The following RALYL variants were observed in gnomAD, a reference collection of about 807,000 sequenced individuals.
The protein encoded by RALYL is RNA-binding Raly-like protein.
A neutral mutation model predicts 35.1 loss-of-function variants in RALYL; 29 were observed. The ratio of observed to expected loss-of-function variants is 0.83; its 90% CI spans 0.61 to 1.13. The LOEUF is 1.13. Among genes scored for constraint, RALYL ranks in the 50% most tolerant of loss-of-function variants. RALYL has a pLI of 0.00. For synonymous variants in RALYL, 120 were observed against 127.6 expected, an observed-to-expected ratio of 0.94 and a Z score of 0.40; for missense variants, 359 against 360.4, an observed-to-expected ratio of 1.00 and a Z score of 0.03.
chr8:84,389,318 C>A (rs1289445757), intron 1 of RALYL, among the ~76,000 whole-genome samples: 2 of 152,026 alleles, frequency 1.3e-5, no homozygotes, highest in Non-Finnish European at 2.9e-5. Flanking sequence ...ATTGACTTGG[C>A]AATGCGGGCT....
At chr8:84,851,076 C>T (rs999364446) in intron 5 of RALYL, among the ~76,000 whole-genome samples, 1 of 152,130 alleles carries the variant, frequency 6.6e-6, no homozygotes, top group Non-Finnish European at 1.5e-5. Flanking sequence ...TATTATCACT[C>T]TTCGATTCTT....
At chr8:84,303,059 A>C (rs1442853607) in intron 1 of RALYL, among the ~76,000 whole-genome samples, 2 of 152,222 alleles carry the variant, frequency 1.3e-5, no homozygotes, top group Admixed American at 6.5e-5. Context: ...AGGTTAGGAC[A>C]CATTCAGGGT....
At chr8:84,610,613 A>G (rs946308317) in intron 2 of RALYL, among the ~76,000 whole-genome samples, 4 of 152,120 alleles carry the variant, frequency 2.6e-5, no homozygotes, top group Non-Finnish European at 4.4e-5. Flanking sequence ...TACAGCCCAC[A>G]TTCAAAAAGA....
chr8:84,835,466 G>A (rs535230612), intron 4 of RALYL, among the ~76,000 whole-genome samples: 37 of 137,646 alleles, frequency 2.7e-4, no homozygotes, highest in Non-Finnish European at 4.6e-4. Context: ...TCAGCAGTTC[G>A]AGACCAGCCT....
chr8:84,492,554 T>A (rs187153730), intron 1 of RALYL, among the ~76,000 whole-genome samples: 1 of 152,100 alleles, frequency 6.6e-6, no homozygotes, highest in African/African-American at 2.4e-5. Flanking sequence ...ATGTGTGTAG[T>A]GCACTCATCA....
intron 1 of RALYL, among the ~76,000 whole-genome samples, chr8:84,375,663 A>G (rs1185933048): frequency 6.6e-6 from 1 of 151,796 alleles, no homozygotes; most frequent in Non-Finnish European, 1.5e-5. Flanking sequence ...TTTTTTGAGG[A>G]CTGTCCTTTC....
chr8:84,399,816 G>GTC (rs767644745), intron 1 of RALYL, among the ~76,000 whole-genome samples: 5 of 152,206 alleles, frequency 3.3e-5, no homozygotes, highest in Non-Finnish European at 7.3e-5. Flanking sequence ...TCTCTTCTAA[G>GTC]TCTGAAGGAG....
chr8:84,402,446 A>G (rs1014075929), intron 1 of RALYL, among the ~76,000 whole-genome samples: 5 of 152,174 alleles, frequency 3.3e-5, no homozygotes, highest in Non-Finnish European at 7.4e-5. Flanking sequence ...TGTTCTAGAA[A>G]TAAAGGCAGC....
intron 1 of RALYL, among the ~76,000 whole-genome samples, chr8:84,450,877 T>C (rs942213888): frequency 6.6e-5 from 10 of 152,022 alleles, no homozygotes; most frequent in African/African-American, 2.2e-4. Context: ...CAAAAAGACA[T>C]TAAAAAATTG....
intron 2 of RALYL, among the ~76,000 whole-genome samples, chr8:84,596,816 C>T (rs983910334): frequency 1.3e-5 from 2 of 151,938 alleles, no homozygotes; most frequent in Non-Finnish European, 2.9e-5. Flanking sequence ...CATTGATTTT[C>T]TTTGATTTGC....
At chr8:84,493,835 G>A (rs192624900) in intron 1 of RALYL, among the ~76,000 whole-genome samples, 2 of 151,824 alleles carry the variant, frequency 1.3e-5, no homozygotes, top group African/African-American at 4.8e-5. Context: ...TGCAAAAATT[G>A]TCTCCTATTC....
chr8:84,907,309 G>T lies in RALYL; in HGVS notation c.859-13585G>T, dbSNP rs879925286. Among the ~76,000 whole-genome samples, 317 of 36,560 alleles carry T rather than the reference G, an allele frequency of 8.7e-3. 1 individual carries two copies. The highest frequency in any genetic ancestry group is 0.022 in the Admixed American group (45 of 2,012). The allele number at this position is 36,560 out of a possible 152,430, so 24.0% of individuals were successfully genotyped here. A position where few individuals can be genotyped will look rare whatever the true frequency, so the allele number is the denominator to read the frequency against. On this transcript the variant is annotated intron_variant, in intron 8 of 8. Transcript: ENST00000521268. ...GAAATCTGAGAAAATAAGATATAGC[G>T]TCACACACACACACACACACACACA... is the stretch of plus-strand genomic sequence containing the variant.
At chr8:84,862,726 G>A (rs1838375064) in intron 6 of RALYL, among the ~76,000 whole-genome samples, 1 of 152,156 alleles carries the variant, frequency 6.6e-6, no homozygotes, top group Admixed American at 6.5e-5. Context: ...TCTTGGCTTA[G>A]CTTGTGATAT....
At chr8:84,646,632 G>T (rs901845580) in intron 2 of RALYL, among the ~76,000 whole-genome samples, 1 of 152,002 alleles carries the variant, frequency 6.6e-6, no homozygotes, top group Non-Finnish European at 1.5e-5. Flanking sequence ...ACTTCTTTCA[G>T]TTCAGCCCAA....
At chr8:84,566,695 C>T (rs1201368002) in intron 2 of RALYL, among the ~76,000 whole-genome samples, 2 of 151,486 alleles carry the variant, frequency 1.3e-5, no homozygotes, top group African/African-American at 4.8e-5. Context: ...CAGACACTAA[C>T]CTTGAGAGTA....
chr8:84,803,813 T>C (rs1375839754), intron 3 of RALYL, among the ~76,000 whole-genome samples: 1 of 152,246 alleles, frequency 6.6e-6, no homozygotes, highest in Non-Finnish European at 1.5e-5. Flanking sequence ...TTGTTTGGAC[T>C]CACATTTATA....
chr8:84,652,396 C>T (rs1588771053), intron 2 of RALYL, among the ~76,000 whole-genome samples: 1 of 152,072 alleles, frequency 6.6e-6, no homozygotes, highest in East Asian at 1.9e-4. Flanking sequence ...GTTCAGAACC[C>T]CTGATAGTCT....
At chr8:84,307,790 A>G (rs1021298296) in intron 1 of RALYL, among the ~76,000 whole-genome samples, 1 of 152,180 alleles carries the variant, frequency 6.6e-6, no homozygotes, top group African/African-American at 2.4e-5. Flanking sequence ...ACACAGGACT[A>G]CATCTTTTAT....
chr8:84,478,942 C>T (rs537665538), intron 1 of RALYL, among the ~76,000 whole-genome samples: 48 of 108,534 alleles, frequency 4.4e-4, no homozygotes, highest in African/African-American at 1.4e-3. Context: ...AAACATTAGC[C>T]GGGCATGGTG....
Sources: allele counts gnomAD v4.1 joint callset (sites outside exome capture counted in the v4.1 genomes callset), GRCh38; gene constraint gnomAD v4.1.1; transcripts MANE v1.5; gene names NCBI Gene and HGNC (gene_info 2026-07-23, HGNC 2026-07-21).